PHGDH: variants seen among roughly 807,000 people sequenced by gnomAD.
PHGDH encodes D-3-phosphoglycerate dehydrogenase.
In PHGDH, 50 loss-of-function variants were observed where a neutral mutation model predicts 52.6. The ratio of observed to expected loss-of-function variants is 0.95; its 90% CI spans 0.76 to 1.20. The LOEUF (loss-of-function observed/expected upper bound fraction) is 1.20, where lower values mean the gene tolerates loss of function less well. Ranked by LOEUF, PHGDH falls within the 50% of genes most tolerant of loss-of-function variation. The pLI is 0.00. For synonymous variants in PHGDH, 271 were observed against 280.5 expected, an observed-to-expected ratio of 0.97 and a Z score of 0.34; for missense variants, 630 against 684.6, an observed-to-expected ratio of 0.92 and a Z score of 0.89.
At chr1:119,717,232 C>CTAAAAAAAA (rs1650974247) in intron 1 of PHGDH, among the ~76,000 whole-genome samples, 1 of 37,352 alleles carries the variant, frequency 2.7e-5, no homozygotes, top group East Asian at 9.6e-4. Context: ...AACTCTGTCT[C>CTAAAAAAAA]AAAAAAAAAA....
At chr1:119,734,855 GGTAACCAGCT>G in intron 6 of PHGDH, 89 bp downstream of exon 6, 1 of 1,433,618 alleles carries the variant, frequency 7.0e-7, no homozygotes, top group Non-Finnish European at 9.8e-7. Flanking sequence ...CCCAGACAGT[GGTAACCAGCT>G]GTGGGGAGAG....
intron 3 of PHGDH, among the ~76,000 whole-genome samples, chr1:119,725,823 C>T (rs587744693): frequency 4.6e-5 from 7 of 152,282 alleles, no homozygotes; most frequent in South Asian, 2.1e-4. Flanking sequence ...GGAGGCTGGC[C>T]GTGCTGGGGT....
chr1:119,737,612 G>A (rs930961250), intron 8 of PHGDH, among the ~76,000 whole-genome samples: 4 of 152,118 alleles, frequency 2.6e-5, no homozygotes, highest in African/African-American at 9.7e-5. Flanking sequence ...CCAGCTGGAC[G>A]CAGCCGCAGC....
chr1:119,723,444 A>G lies in PHGDH; in HGVS notation c.356+3A>G, dbSNP rs1046256976. On this transcript the variant is annotated splice_donor_region_variant and intron_variant, in intron 3 of 11. Coordinates refer to ENST00000641023, the MANE Select transcript of PHGDH (RefSeq NM_006623.4). ...GGAATGATCATGTGCCTGGCCAGGT[A>G]AGTCCCTGACTTCTCAGCAAAGCTA... is the stretch of plus-strand genomic sequence containing the variant. The G allele has an allele frequency of 1.9e-6, 3 of 1,611,232 alleles. No individual in the cohort carries two copies. Among genetic ancestry groups the G allele is most frequent in the Non-Finnish European group, 2.5e-6 (3 of 1,177,494 alleles).
chr1:119,715,295 A>C (rs1454405683), intron 1 of PHGDH, among the ~76,000 whole-genome samples: 1 of 152,244 alleles, frequency 6.6e-6, no homozygotes, highest in African/African-American at 2.4e-5. Flanking sequence ...AATTTACTGA[A>C]GCACATCCAT....
At position 119,743,529 on chromosome 1, in the gene PHGDH, C is replaced by T. The variant is rs138105429; in HGVS notation, c.1448-357C>T. Among the ~76,000 whole-genome samples the T allele has an allele frequency of 4.1e-3, 623 of 152,358 alleles. 3 individuals are homozygous for T. Among genetic ancestry groups the T allele is most frequent in the Non-Finnish European group, 7.2e-3 (490 of 68,036 alleles). On this transcript the variant is annotated intron_variant, in intron 11 of 11. Transcript: ENST00000641023. ...TTGGGCTGCTAGGGGTTTTGGCACA[C>T]GTCCATGTTTGGCGGAGGGTGTGCC...
At chr1:119,717,281 A>G (rs970179085) in intron 1 of PHGDH, among the ~76,000 whole-genome samples, 5 of 144,078 alleles carry the variant, frequency 3.5e-5, no homozygotes, top group Admixed American at 1.4e-4. Flanking sequence ...TAGGAATTCT[A>G]TCACTTTTGG....
chr1:119,740,343 A>G (rs1557980841), intron 8 of PHGDH, 43 bp from the exon 9 acceptor site: 35 of 1,612,590 alleles, frequency 2.2e-5, no homozygotes, highest in Non-Finnish European at 2.7e-5. Context: ...AGGATCTGCC[A>G]TGCCTCTTCC....
intron 10 of PHGDH, chr1:119,742,530 C>T (rs1442835606): frequency 3.5e-6 from 2 of 576,684 alleles, no homozygotes; most frequent in East Asian, 2.9e-5. Flanking sequence ...AGCCCTGCCT[C>T]CCTGCTTTTC....
At position 119,721,226 on chromosome 1, in the gene PHGDH, C is replaced by T. The variant is rs771208719; in HGVS notation, c.195C>T (p.Asn65=). Residue 65 remains asparagine, a synonymous_variant, in exon 2 of 12, where the codon AAC becomes AAT. Coordinates refer to ENST00000641023, the MANE Select transcript of PHGDH (RefSeq NM_006623.4). ...SATKVTADVI[N]AAEKLQVVGR... Reference sequence around the variant, plus strand: ...CCAAGGTGACCGCTGATGTCATCAACGCAGCTGAGAAACTCCAGGTGGTGG... The same window carrying T: ...CCAAGGTGACCGCTGATGTCATCAATGCAGCTGAGAAACTCCAGGTGGTGG... 1.2e-5 allele frequency: 20 copies of T among 1,614,038 alleles called. No homozygotes were observed. Among genetic ancestry groups the T allele is most frequent in the East Asian group, 2.2e-5 (1 of 44,898 alleles).
chr1:119,739,462 A>G (rs1371830798), intron 8 of PHGDH: 1 of 151,796 alleles, frequency 6.6e-6, no homozygotes, highest in African/African-American at 2.4e-5. Context: ...CACCTCCCAC[A>G]CTGGAGAGGC....
At position 119,743,844 on chromosome 1, in the gene PHGDH, C is replaced by T. The variant is rs377172320; in HGVS notation, c.1448-42C>T. 5 of 1,544,620 alleles carry T rather than the reference C, an allele frequency of 3.2e-6. No individual in the cohort carries two copies. The East Asian group carries it at 1.1e-4, about 35-fold the overall frequency. On this transcript the variant is annotated intron_variant, in intron 11 of 11. Coordinates refer to ENST00000641023, the MANE Select transcript of PHGDH (RefSeq NM_006623.4). ...TGCTCCCAATCCCTCGCTCCTTTTTCCCCTATCCCCTGTGCCAACCAGGAG... is the reference window on the plus strand; with the variant it reads ...TGCTCCCAATCCCTCGCTCCTTTTTTCCCTATCCCCTGTGCCAACCAGGAG...
At chr1:119,736,692 G>A (rs1268944326) in intron 7 of PHGDH, among the ~76,000 whole-genome samples, 1 of 152,222 alleles carries the variant, frequency 6.6e-6, no homozygotes, top group African/African-American at 2.4e-5. Context: ...CATGGATGCA[G>A]GGGGGTGAGT....
At chr1:119,742,703 C>CAGTAATGT in intron 10 of PHGDH, 104 bp from the exon 11 acceptor site, 1 of 765,254 alleles carries the variant, frequency 1.3e-6, no homozygotes, top group Non-Finnish European at 2.3e-6. Context: ...GCACATTATC[C>CAGTAATGT]AGGCTGGAGC....
chr1:119,734,798 C>T, intron 6 of PHGDH, 32 bp downstream of exon 6: 1 of 1,611,550 alleles, frequency 6.2e-7, no homozygotes, highest in South Asian at 1.1e-5. Context: ...GGATTGGTCA[C>T]AGAAGCCACA....
Position 119,740,447 on chromosome 1 carries a change from C to G in PHGDH, c.1007C>G (p.Ala336Gly), listed in dbSNP as rs760161275. 5.0e-6 allele frequency: 8 copies of G among 1,612,434 alleles called. No homozygotes were observed. In the African/African-American group the frequency reaches 1.1e-4, roughly 22 times the overall value. ...CACACCAAGCCTTGGATTGGTCTGG[C>G]AGAAGCTCTGGGGACACTGATGCGA... ...SPHTKPWIGL[A>G]EALGTLMRAW... Residue 336 changes from alanine to glycine, a missense_variant, in exon 9 of 12, where the codon GCA (alanine) becomes GGA (glycine). Ala to Gly is a moderately conservative substitution (Grantham distance 60). Transcript: ENST00000641023.
intron 1 of PHGDH, among the ~76,000 whole-genome samples, chr1:119,716,254 C>T (rs1336114696): frequency 2.6e-5 from 4 of 152,120 alleles, no homozygotes; most frequent in African/African-American, 9.7e-5. Flanking sequence ...ACCTGATGCT[C>T]ATCTGTAGGA....
Position 119,727,020 on chromosome 1 carries a change from T to C in PHGDH, c.428T>C (p.Leu143Pro), listed in dbSNP as rs1363133422. The change falls in exon 5 of 12, where the codon CTG becomes CCG. Residue 143 changes from leucine to proline, a missense_variant. Transcript: ENST00000641023. Reference protein sequence around the residue: ...WERKKFMGTELNGKTLGILGL... With the variant: ...WERKKFMGTEPNGKTLGILGL... Reference sequence around the variant, plus strand: ...TGGTTGCAGTTCATGGGAACAGAGCTGAATGGAAAGACCCTGGGAATTCTT... The same window carrying C: ...TGGTTGCAGTTCATGGGAACAGAGCCGAATGGAAAGACCCTGGGAATTCTT... 6.2e-7 allele frequency: 1 copy of C among 1,613,674 alleles called. No individual in the cohort carries two copies. Among genetic ancestry groups the C allele is most frequent in the Non-Finnish European group, 8.5e-7 (1 of 1,179,518 alleles).
chr1:119,712,232 A>G, intron 1 of PHGDH, 72 bp downstream of exon 1: 1 of 1,423,696 alleles, frequency 7.0e-7, no homozygotes, highest in Non-Finnish European at 9.8e-7. Context: ...CGCCCAGGCC[A>G]GCGCGCCCCC....
Sources: allele counts gnomAD v4.1 joint callset (sites outside exome capture counted in the v4.1 genomes callset), GRCh38; gene constraint gnomAD v4.1.1; transcripts MANE v1.5; gene names NCBI Gene and HGNC (gene_info 2026-07-23, HGNC 2026-07-21).